Variants in DLGAP2 observed in about 807,000 individuals in gnomAD.
DLGAP2 encodes the protein DLG associated protein 2.
In DLGAP2, 26 loss-of-function variants were observed where a neutral mutation model predicts 100.3. That is an observed-to-expected ratio of 0.26 (90% CI 0.19 to 0.36). The LOEUF (loss-of-function observed/expected upper bound fraction) is 0.36, where lower values mean the gene tolerates loss of function less well. Ranked by LOEUF, DLGAP2 falls within the 10% of genes least tolerant of loss-of-function variation. The pLI is 1.00. For synonymous variants in DLGAP2, 886 were observed against 630.1 expected, an observed-to-expected ratio of 1.41 and a Z score of -6.08; for missense variants, 1,858 against 1,453.2, an observed-to-expected ratio of 1.28 and a Z score of -4.53.
At chr8:1,068,280 G>T (rs757349834) in intron 2 of DLGAP2, among the ~76,000 whole-genome samples, 7 of 152,202 alleles carry the variant, frequency 4.6e-5, no homozygotes, top group African/African-American at 1.4e-4. Context: ...GCAGGCTTTC[G>T]TGTGGATGTA....
At chr8:1,084,087 T>G (rs1256602607) in intron 2 of DLGAP2, among the ~76,000 whole-genome samples, 1 of 152,198 alleles carries the variant, frequency 6.6e-6, no homozygotes, top group Non-Finnish European at 1.5e-5. Flanking sequence ...ATTATTTGTA[T>G]GTACTCTTAA....
intron 2 of DLGAP2, among the ~76,000 whole-genome samples, chr8:979,994 C>T (rs149818876): frequency 3.6e-4 from 55 of 152,310 alleles, no homozygotes; most frequent in African/African-American, 1.3e-3. Flanking sequence ...AGATGTCTGT[C>T]TGCAACCTCT....
chr8:1,161,395 G>A (rs1256603733), intron 2 of DLGAP2, among the ~76,000 whole-genome samples: 1 of 152,148 alleles, frequency 6.6e-6, no homozygotes, highest in African/African-American at 2.4e-5. Flanking sequence ...TCAACTTCCT[G>A]ATCAAAGGTT....
intron 2 of DLGAP2, among the ~76,000 whole-genome samples, chr8:925,908 G>T (rs1475558971): frequency 6.6e-6 from 1 of 152,066 alleles, no homozygotes; most frequent in African/African-American, 2.4e-5. Context: ...ATTAATTCAG[G>T]GTTTTCCCGC....
intron 4 of DLGAP2, among the ~76,000 whole-genome samples, chr8:1,541,146 A>T (rs891511627): frequency 5.9e-5 from 9 of 152,160 alleles, no homozygotes; most frequent in Non-Finnish European, 7.4e-5. Flanking sequence ...TTTGCCAACT[A>T]ACCTAGGGGA....
intron 3 of DLGAP2, among the ~76,000 whole-genome samples, chr8:1,284,518 G>A (rs538210255): frequency 4.6e-5 from 7 of 152,164 alleles, no homozygotes; most frequent in Non-Finnish European, 8.8e-5. Flanking sequence ...CGCAAACCAC[G>A]AGCTGTCAAC....
chr8:1,317,156 C>T (rs544667915), intron 3 of DLGAP2, among the ~76,000 whole-genome samples: 5 of 126,376 alleles, frequency 4.0e-5, no homozygotes, highest in African/African-American at 6.4e-5. Context: ...TGGAGAAACT[C>T]GGCAGCTTTA....
chr8:935,299 T>C (rs1179894959), intron 2 of DLGAP2, among the ~76,000 whole-genome samples: 1 of 152,204 alleles, frequency 6.6e-6, no homozygotes, highest in African/African-American at 2.4e-5. Context: ...ACAAACCTTG[T>C]GTCAGCTGCC....
At chr8:830,300 A>C (rs931059016) in intron 1 of DLGAP2, among the ~76,000 whole-genome samples, 2 of 152,222 alleles carry the variant, frequency 1.3e-5, no homozygotes, top group Admixed American at 1.3e-4. Flanking sequence ...TTTTTGTTAC[A>C]AACAATCCAA....
Position 1,548,919 on chromosome 8 carries a change from G to T in DLGAP2, c.466G>T (p.Val156Leu). The T allele has an allele frequency of 1.9e-6, 3 of 1,598,040 alleles. No homozygotes were observed. Among genetic ancestry groups the T allele is most frequent in the South Asian group, 1.1e-5 (1 of 90,942 alleles). Reference sequence around the variant, plus strand: ...GATGCCGGTGGTGCTGGGCGACCACGTGTCCAGCAGCACCTTCCCGCGGAT... The same window carrying T: ...GATGCCGGTGGTGCTGGGCGACCACTTGTCCAGCAGCACCTTCCCGCGGAT... ...VMMPVVLGDH[V>L]SSSTFPRMHY... is the part of the protein sequence containing the mutation. Residue 156 changes from valine to leucine, a missense_variant, in exon 5 of 15, where the codon GTG becomes TTG. By Grantham distance (32) the Val-to-Leu change is conservative. Transcript: ENST00000637795.
chr8:975,514 T>A (rs1435089268), intron 2 of DLGAP2, among the ~76,000 whole-genome samples: 2 of 152,152 alleles, frequency 1.3e-5, no homozygotes, highest in African/African-American at 4.8e-5. Flanking sequence ...TATGAGGGAA[T>A]CAAATCTAAC....
chr8:1,337,708 A>C (rs920183646), intron 3 of DLGAP2, among the ~76,000 whole-genome samples: 1 of 152,190 alleles, frequency 6.6e-6, no homozygotes, highest in South Asian at 2.1e-4. Context: ...GACAAACTTT[A>C]TTGACATCTT....
chr8:1,312,333 G>T (rs1213214193), intron 3 of DLGAP2, among the ~76,000 whole-genome samples: 1 of 152,244 alleles, frequency 6.6e-6, no homozygotes, highest in Non-Finnish European at 1.5e-5. Context: ...CAGATTGAGT[G>T]ATTGGACTTC....
chr8:1,610,033 C>T (rs1008945389), intron 6 of DLGAP2, among the ~76,000 whole-genome samples: 9 of 151,812 alleles, frequency 5.9e-5, no homozygotes, highest in East Asian at 5.8e-4. Context: ...CTGTACCAAG[C>T]GGACCTAATA....
At chr8:948,472 C>T (rs980424534) in intron 2 of DLGAP2, among the ~76,000 whole-genome samples, 3 of 152,390 alleles carry the variant, frequency 2.0e-5, no homozygotes, top group East Asian at 3.9e-4. Context: ...ATCTCTCCCA[C>T]CACACCAGGC....
chr8:996,690 C>T (rs142882612), intron 2 of DLGAP2, among the ~76,000 whole-genome samples: 15 of 152,266 alleles, frequency 9.9e-5, no homozygotes, highest in African/African-American at 3.4e-4. Context: ...TGGAATGAAA[C>T]CCCCTCAAGT....
chr8:850,711 G>A (rs1042012330), intron 1 of DLGAP2, among the ~76,000 whole-genome samples: 8 of 152,118 alleles, frequency 5.3e-5, no homozygotes, highest in Non-Finnish European at 1.0e-4. Flanking sequence ...TTTTATAATA[G>A]CATGAAATTT....
At chr8:1,184,416 T>A (rs1037216844) in intron 2 of DLGAP2, among the ~76,000 whole-genome samples, 1 of 152,122 alleles carries the variant, frequency 6.6e-6, no homozygotes, top group African/African-American at 2.4e-5. Context: ...TTGGTAACAG[T>A]TTAATGCTGG....
chr8:1,160,200 G>T (rs1294187113), intron 2 of DLGAP2, among the ~76,000 whole-genome samples: 1 of 152,154 alleles, frequency 6.6e-6, no homozygotes, highest in Non-Finnish European at 1.5e-5. Flanking sequence ...TCAGTTCACC[G>T]TAGAAAACAC....
Sources: allele counts gnomAD v4.1 joint callset (sites outside exome capture counted in the v4.1 genomes callset), GRCh38; gene constraint gnomAD v4.1.1; transcripts MANE v1.5; gene names NCBI Gene and HGNC (gene_info 2026-07-23, HGNC 2026-07-21).